Variants in RALGAPA2 observed in about 807,000 individuals in gnomAD.
The protein encoded by RALGAPA2 is Ral GTPase activating protein catalytic subunit alpha 2.
RALGAPA2 carries 139 observed loss-of-function variants against 230.4 expected under a neutral mutation model. That is an observed-to-expected ratio of 0.60 (90% CI 0.53 to 0.69). RALGAPA2 has a LOEUF of 0.69. Among genes scored for constraint, RALGAPA2 ranks in the 30% least tolerant of loss-of-function variants. The pLI is 0.00. For synonymous variants in RALGAPA2, 847 were observed against 837.8 expected (o/e 1.01, Z -0.19); for missense variants, 2,163 against 2,276.0 (o/e 0.95, Z 1.01).
intron 13 of RALGAPA2, among the ~76,000 whole-genome samples, chr20:20,614,471 A>C (rs963290095): frequency 1.3e-5 from 2 of 152,240 alleles, no homozygotes; most frequent in African/African-American, 4.8e-5. Context: ...AGTTGAAAGC[A>C]TATACCAGCA....
At chr20:20,488,157 GA>G (rs1188215087) in intron 36 of RALGAPA2, among the ~76,000 whole-genome samples, 3 of 152,092 alleles carry the variant, frequency 2.0e-5, no homozygotes, top group Non-Finnish European at 4.4e-5. Flanking sequence ...GTGTTTGGTT[GA>G]AAAAAATCCA....
chr20:20,493,128 T>TTG (rs1345706262), intron 36 of RALGAPA2, among the ~76,000 whole-genome samples: 2 of 152,196 alleles, frequency 1.3e-5, no homozygotes, highest in African/African-American at 4.8e-5. Context: ...TTCATTTGAT[T>TTG]AGGGAATGCA....
At chr20:20,486,617 C>T (rs941420220) in intron 36 of RALGAPA2, among the ~76,000 whole-genome samples, 21 of 152,116 alleles carry the variant, frequency 1.4e-4, no homozygotes, top group African/African-American at 5.1e-4. Flanking sequence ...CCTGGTGCTT[C>T]CTGGATCTGT....
At chr20:20,578,921 C>A (rs1443806172) in intron 20 of RALGAPA2, among the ~76,000 whole-genome samples, 1 of 152,212 alleles carries the variant, frequency 6.6e-6, no homozygotes, top group Non-Finnish European at 1.5e-5. Context: ...AGAAGGTGAG[C>A]TACCAATGCC....
At chr20:20,571,645 C>T in intron 22 of RALGAPA2, 32 bp from the exon 23 acceptor site, 1 of 1,595,846 alleles carries the variant, frequency 6.3e-7, no homozygotes, top group South Asian at 1.1e-5. Flanking sequence ...CAGATTAAAT[C>T]AAGCCCAGGT....
rs1020017459 is a variant in RALGAPA2 at position 20,390,771 on chromosome 20, G to A, written c.*2518C>T. The stretch of plus-strand genomic sequence containing the variant: ...AAACAACTCCAGTCCACGTGATCAC[G>A]AGAAACGTGGCTGTCAGATTCCCTG... On this transcript the variant is annotated 3_prime_UTR_variant, in exon 40 of 40. Coordinates refer to ENST00000202677, the MANE Select transcript of RALGAPA2 (RefSeq NM_020343.4). The A allele has an allele frequency of 2.0e-5, 3 of 151,942 alleles. No individual in the cohort carries two copies. Among genetic ancestry groups the A allele is most frequent in the South Asian group, 2.1e-4 (1 of 4,820 alleles). The allele number at this position is 151,942 out of a possible 1,614,324, so 9.4% of individuals were successfully genotyped here. A position where few individuals can be genotyped will look rare whatever the true frequency, so the allele number is the denominator to read the frequency against.
chr20:20,452,598 C>G (rs1014169447), intron 37 of RALGAPA2, among the ~76,000 whole-genome samples: 1 of 152,208 alleles, frequency 6.6e-6, no homozygotes, highest in Non-Finnish European at 1.5e-5. Flanking sequence ...GGTAAGCTAG[C>G]AAGCGGCAAC....
intron 37 of RALGAPA2, among the ~76,000 whole-genome samples, chr20:20,413,083 C>T (rs780351659): frequency 2.0e-5 from 3 of 152,198 alleles, no homozygotes; most frequent in Non-Finnish European, 4.4e-5. Context: ...TTTCCCCTTC[C>T]TCATTATCAA....
At chr20:20,459,987 C>T (rs1169750091) in intron 37 of RALGAPA2, among the ~76,000 whole-genome samples, 1 of 152,198 alleles carries the variant, frequency 6.6e-6, no homozygotes, top group African/African-American at 2.4e-5. Context: ...AGTTATAACC[C>T]ATCCTGGCTG....
chr20:20,601,554 T>C, intron 16 of RALGAPA2, 128 bp downstream of exon 16: 1 of 883,742 alleles, frequency 1.1e-6, no homozygotes, highest in East Asian at 2.8e-5. Context: ...TAAAAAGATG[T>C]AGAGACATTT....
intron 28 of RALGAPA2, 74 bp from the exon 29 acceptor site, chr20:20,524,972 C>T (rs535840587): frequency 4.1e-5 from 56 of 1,380,418 alleles, no homozygotes; most frequent in Middle Eastern, 1.8e-4. Flanking sequence ...AGGAGTCCCA[C>T]GATGGCCTTG....
intron 18 of RALGAPA2, among the ~76,000 whole-genome samples, chr20:20,586,955 T>C (rs1457409256): frequency 1.3e-5 from 2 of 152,160 alleles, no homozygotes; most frequent in Non-Finnish European, 2.9e-5. Context: ...CAGTGTCCCA[T>C]GTAACAGGTG....
intron 37 of RALGAPA2, among the ~76,000 whole-genome samples, chr20:20,421,471 G>A (rs542775673): frequency 5.9e-5 from 9 of 152,178 alleles, no homozygotes; most frequent in Admixed American, 1.3e-4. Flanking sequence ...AGGAGTTCGA[G>A]ACCAGCCTGA....
chr20:20,606,050 C>T (rs1310462352), intron 14 of RALGAPA2, among the ~76,000 whole-genome samples: 2 of 152,156 alleles, frequency 1.3e-5, no homozygotes, highest in African/African-American at 4.8e-5. Context: ...AACCCCACTT[C>T]CCCAGCTCTT....
chr20:20,503,776 T>G (rs1273258975), intron 34 of RALGAPA2, among the ~76,000 whole-genome samples: 3 of 152,224 alleles, frequency 2.0e-5, no homozygotes, highest in East Asian at 1.9e-4. Context: ...CCCACCTGTA[T>G]GTATAAATGT....
At chr20:20,679,410 A>G (rs1304383185) in intron 2 of RALGAPA2, among the ~76,000 whole-genome samples, 1 of 152,106 alleles carries the variant, frequency 6.6e-6, no homozygotes, top group African/African-American at 2.4e-5. Flanking sequence ...CATCCCTCAG[A>G]TGAATGACAG....
intron 3 of RALGAPA2, among the ~76,000 whole-genome samples, chr20:20,654,777 G>T (rs1013996247): frequency 6.6e-6 from 1 of 152,116 alleles, no homozygotes; most frequent in Non-Finnish European, 1.5e-5. Flanking sequence ...GATTGCTGGG[G>T]CATATGGTAA....
chr20:20,506,547 G>T (rs2062540779), intron 33 of RALGAPA2, among the ~76,000 whole-genome samples: 2 of 152,012 alleles, frequency 1.3e-5, no homozygotes, highest in Non-Finnish European at 2.9e-5. Flanking sequence ...AAGAGTTTTG[G>T]TTTTTTTAAA....
At chr20:20,444,709 TA>T (rs1468765638) in intron 37 of RALGAPA2, among the ~76,000 whole-genome samples, 3 of 152,230 alleles carry the variant, frequency 2.0e-5, no homozygotes, top group African/African-American at 7.2e-5. Flanking sequence ...TTCAGAGTTC[TA>T]GTTGTTCTAT....
Sources: gnomAD v4.1 joint callset for allele counts (sites outside exome capture counted in the v4.1 genomes callset) on GRCh38, gnomAD v4.1.1 for gene constraint, MANE v1.5 for transcripts, NCBI Gene and HGNC (gene_info 2026-07-23, HGNC 2026-07-21) for gene names.